The following ITCH variants were observed in gnomAD, a reference collection of about 807,000 sequenced individuals.
ITCH encodes the protein E3 ubiquitin-protein ligase Itchy homolog.
Under a neutral mutation model 126.8 loss-of-function variants are expected in ITCH, and 28 were observed. That is an observed-to-expected ratio of 0.22 (90% CI 0.16 to 0.30). The LOEUF is 0.30. Among genes scored for constraint, ITCH ranks in the 10% least tolerant of loss-of-function variants. The pLI, the probability that ITCH is intolerant of heterozygous loss-of-function variation, is 1.00. For synonymous variants in ITCH, 342 were observed against 340.0 expected (o/e 1.01, Z -0.06); for missense variants, 631 against 1,032.4 (o/e 0.61, Z 5.33).
Position 34,502,797 on chromosome 20 carries a change from T to A in ITCH, c.2417-1534T>A, listed in dbSNP as rs913720709. Among the ~76,000 whole-genome samples the A allele has an allele frequency of 7.2e-5, 11 of 152,182 alleles. No homozygotes were observed. The East Asian group carries it at 1.7e-3, about 24-fold the overall frequency. On this transcript the variant is annotated intron_variant, in intron 23 of 24. Transcript: ENST00000374864. Reference sequence around the variant, plus strand: ...ACTTTGGGAGGCCAAGGTGGGTTGATCACTTGAGGCCAGGAGTTCAAGACC... The same window carrying A: ...ACTTTGGGAGGCCAAGGTGGGTTGAACACTTGAGGCCAGGAGTTCAAGACC...
At chr20:34,379,632 T>TC (rs2037975746) in intron 2 of ITCH, among the ~76,000 whole-genome samples, 1 of 150,578 alleles carries the variant, frequency 6.6e-6, no homozygotes, top group Admixed American at 6.7e-5. Flanking sequence ...TCTCGCTCTG[T>TC]CACCCAGGCT....
intron 7 of ITCH, among the ~76,000 whole-genome samples, chr20:34,425,473 G>A (rs1157591157): frequency 2.6e-5 from 4 of 152,152 alleles, no homozygotes; most frequent in Admixed American, 6.6e-5. Context: ...TTGCAGTTGA[G>A]ATAAGAGGAA....
At chr20:34,389,911 A>G (rs957605517) in intron 2 of ITCH, among the ~76,000 whole-genome samples, 1 of 152,200 alleles carries the variant, frequency 6.6e-6, no homozygotes, top group African/African-American at 2.4e-5. Context: ...ATTTGAGGTC[A>G]GGAGTTTGAG....
intron 2 of ITCH, among the ~76,000 whole-genome samples, chr20:34,380,825 T>TCACCCAGGCTGGAGTG (rs1225524233): frequency 6.6e-6 from 1 of 152,074 alleles, no homozygotes; most frequent in African/African-American, 2.4e-5. Flanking sequence ...TCTCACTCTG[T>TCACCCAGGCTGGAGTG]CACCCAGGCT....
At chr20:34,473,936 G>A (rs1987880694) in intron 16 of ITCH, among the ~76,000 whole-genome samples, 2 of 152,140 alleles carry the variant, frequency 1.3e-5, no homozygotes, top group Non-Finnish European at 2.9e-5. Context: ...TAGTGGTATG[G>A]CCCTAAACAA....
At chr20:34,438,681 A>G (rs1248943286) in intron 8 of ITCH, 50 bp downstream of exon 8, 12 of 1,590,080 alleles carry the variant, frequency 7.5e-6, no homozygotes, top group Middle Eastern at 2.0e-4. Flanking sequence ...CTGGTTGGCA[A>G]TTAATCCTCA....
At position 34,471,447 on chromosome 20, in the gene ITCH, C is replaced by T. The variant is rs769138026; in HGVS notation, c.1501C>T (p.Leu501=). ...VQYFRFWCQQ[L]AMPQHIKITV... Reference sequence around the variant, plus strand: ...TTAAGTCATTCTTCTATTTCAGCAACTGGCCATGCCACAGCACATAAAGAT... The same window carrying T: ...TTAAGTCATTCTTCTATTTCAGCAATTGGCCATGCCACAGCACATAAAGAT... Residue 501 remains leucine (L), a synonymous_variant, in exon 16 of 25, where the codon CTG becomes TTG. Coordinates refer to ENST00000374864, the MANE Select transcript of ITCH (RefSeq NM_031483.7). The T allele has an allele frequency of 1.9e-6, 3 of 1,595,202 alleles. No individual in the cohort carries two copies. Among genetic ancestry groups the T allele is most frequent in the South Asian group, 2.2e-5 (2 of 90,738 alleles).
At chr20:34,426,985 A>G (rs541047404) in intron 7 of ITCH, among the ~76,000 whole-genome samples, 2 of 150,238 alleles carry the variant, frequency 1.3e-5, no homozygotes, top group South Asian at 2.1e-4. Flanking sequence ...CATGTTGGCC[A>G]CTATGGTCTC....
At chr20:34,370,917 C>T (rs2037599847) in intron 2 of ITCH, among the ~76,000 whole-genome samples, 1 of 152,060 alleles carries the variant, frequency 6.6e-6, no homozygotes, top group African/African-American at 2.4e-5. Context: ...GCCTGTAATT[C>T]CAGCACTTTG....
At chr20:34,466,416 C>T (rs1987072086) in intron 14 of ITCH, 1 of 523,512 alleles carries the variant, frequency 1.9e-6, no homozygotes. Context: ...AGATGGTTCC[C>T]TATTACTTTC....
chr20:34,417,293 C>T, intron 6 of ITCH: 1 of 448,624 alleles, frequency 2.2e-6, no homozygotes, highest in Non-Finnish European at 4.1e-6. Flanking sequence ...GACAGGGTTT[C>T]TCCGTGTTGG....
At chr20:34,453,097 T>G (rs1019130438) in intron 12 of ITCH, among the ~76,000 whole-genome samples, 4 of 152,190 alleles carry the variant, frequency 2.6e-5, no homozygotes, top group African/African-American at 9.7e-5. Context: ...TTCAGTATTG[T>G]TTATTATGTG....
intron 13 of ITCH, among the ~76,000 whole-genome samples, chr20:34,458,510 A>T (rs1294982849): frequency 6.6e-6 from 1 of 152,204 alleles, no homozygotes; most frequent in African/African-American, 2.4e-5. Flanking sequence ...AATAGTATGC[A>T]TATTAGTTTG....
chr20:34,464,629 T>C (rs529636379), intron 14 of ITCH, among the ~76,000 whole-genome samples: 1 of 152,090 alleles, frequency 6.6e-6, no homozygotes, highest in Non-Finnish European at 1.5e-5. Flanking sequence ...GCCCAGCCTG[T>C]CAGTTTTTTC....
intron 13 of ITCH, 127 bp downstream of exon 13, chr20:34,457,601 A>G: frequency 2.9e-6 from 2 of 701,212 alleles, no homozygotes; most frequent in Non-Finnish European, 5.1e-6. Context: ...CATACTTTGG[A>G]AAGAGAAAAT....
At chr20:34,405,783 TTTTTTTA>T (rs1257308122) in intron 3 of ITCH, among the ~76,000 whole-genome samples, 1 of 151,792 alleles carries the variant, frequency 6.6e-6, no homozygotes, top group East Asian at 1.9e-4. Flanking sequence ...AATAGTACTT[TTTTTTTA>T]TTTTTTATTT....
At position 34,438,531 on chromosome 20, in the gene ITCH, A is replaced by G. The variant is rs1983326945; in HGVS notation, c.579A>G (p.Arg193=). 2 of 1,613,800 alleles carry G rather than the reference A, an allele frequency of 1.2e-6. No homozygotes were observed. Among genetic ancestry groups the G allele is most frequent in the African/African-American group, 1.3e-5 (1 of 74,830 alleles). The change falls in exon 8 of 25, where the codon AGA becomes AGG. Residue 193 remains arginine, a synonymous_variant. Coordinates refer to ENST00000374864, the MANE Select transcript of ITCH (RefSeq NM_031483.7). ...ATGCAGGAGCTGGTGAAAATAGGAGAGTCAGTGGGAATAATTCTCCATCAC... is the reference window on the plus strand; with the variant it reads ...ATGCAGGAGCTGGTGAAAATAGGAGGGTCAGTGGGAATAATTCTCCATCAC... ...PEDAGAGENR[R]VSGNNSPSLS...
intron 2 of ITCH, among the ~76,000 whole-genome samples, chr20:34,371,305 G>A (rs1418156542): frequency 1.8e-5 from 2 of 112,476 alleles, no homozygotes; most frequent in African/African-American, 3.7e-5. Context: ...TTTTTTTTGA[G>A]ATGGAGCCTT....
chr20:34,450,260 T>G (rs73902639), intron 12 of ITCH, among the ~76,000 whole-genome samples: 1 of 152,308 alleles, frequency 6.6e-6, no homozygotes, highest in African/African-American at 2.4e-5. Context: ...TTGTGCAATT[T>G]TTTACATCCT....
Sources: allele counts gnomAD v4.1 joint callset (sites outside exome capture counted in the v4.1 genomes callset), GRCh38; gene constraint gnomAD v4.1.1; transcripts MANE v1.5; gene names NCBI Gene and HGNC (gene_info 2026-07-23, HGNC 2026-07-21).